PHF3: variants seen among roughly 807,000 people sequenced by gnomAD.
PHF3 encodes PHD finger protein 3.
PHF3 carries 41 observed loss-of-function variants against 178.4 expected under a neutral mutation model. That is an observed-to-expected ratio of 0.23 (90% CI 0.18 to 0.30). The LOEUF (loss-of-function observed/expected upper bound fraction) is 0.30, where lower values mean the gene tolerates loss of function less well. Ranked by LOEUF, PHF3 falls within the 10% of genes least tolerant of loss-of-function variation. The pLI is 1.00. For missense variants in PHF3, 2,346 were observed against 2,398.1 expected, an observed-to-expected ratio of 0.98 and a Z score of 0.45; for synonymous variants, 842 against 800.5, an observed-to-expected ratio of 1.05 and a Z score of -0.88.
intron 11 of PHF3, 33 bp from the exon 12 acceptor site, chr6:63,705,996 C>G (rs1767672760): frequency 6.6e-7 from 1 of 1,518,458 alleles, no homozygotes; most frequent in African/African-American, 1.4e-5. Context: ...TTGTAGTTAA[C>G]AGTTGGTTTC....
chr6:63,668,229 G>T (rs1765761064), intron 2 of PHF3, among the ~76,000 whole-genome samples: 1 of 152,226 alleles, frequency 6.6e-6, no homozygotes. Flanking sequence ...AGGAAAGAAT[G>T]AACATTTCAG....
At chr6:63,657,495 T>C (rs1296304477) in intron 2 of PHF3, among the ~76,000 whole-genome samples, 1 of 152,158 alleles carries the variant, frequency 6.6e-6, no homozygotes. Context: ...ATTCTTACAA[T>C]AAAGTACACT....
intron 2 of PHF3, among the ~76,000 whole-genome samples, chr6:63,666,003 C>G (rs1048068213): frequency 1.3e-5 from 2 of 152,102 alleles, no homozygotes; most frequent in African/African-American, 2.4e-5. Context: ...TAGTGGCAAT[C>G]TGATTAAATA....
At chr6:63,699,036 A>G (rs1767357688) in intron 8 of PHF3, among the ~76,000 whole-genome samples, 1 of 152,210 alleles carries the variant, frequency 6.6e-6, no homozygotes, top group South Asian at 2.1e-4. Flanking sequence ...TATTTTCTTA[A>G]GAAAATACAT....
intron 1 of PHF3, among the ~76,000 whole-genome samples, chr6:63,643,815 A>G (rs550889493): frequency 4.0e-4 from 61 of 152,344 alleles, no homozygotes; most frequent in African/African-American, 1.4e-3. Context: ...CTTTATTTAA[A>G]AAAAATCGAT....
At chr6:63,679,757 A>T in intron 2 of PHF3, 1 of 514,954 alleles carries the variant, frequency 1.9e-6, no homozygotes, top group South Asian at 1.6e-5. Context: ...CTAAATCAGG[A>T]AAGAGTATAA....
intron 1 of PHF3, among the ~76,000 whole-genome samples, chr6:63,642,993 A>C (rs768539492): frequency 2.6e-5 from 4 of 152,102 alleles, no homozygotes; most frequent in Non-Finnish European, 5.9e-5. Flanking sequence ...ATATACTCTT[A>C]TCTAGTTTCC....
rs11285703 is a variant in PHF3 at position 63,646,806 on chromosome 6, CTTTTTTTTTT to C, written c.244+24_244+33del. The C allele has an allele frequency of 3.9e-6, 4 of 1,013,538 alleles. No individual in the cohort carries two copies. The highest frequency in any genetic ancestry group is 4.9e-5 in the African/African-American group (2 of 40,714). The allele number at this position is 1,013,538 out of a possible 1,614,324, so 62.8% of individuals were successfully genotyped here. ...TGCCTTGTTCAACAGGTAATTCTTA[CTTTTTTTTTT>C]TTTTTTTTTTTTAGTCTGCAATTTA... On this transcript the variant is annotated intron_variant, in intron 2 of 15. Transcript: ENST00000262043.
In PHF3 at chr6:63,722,690, T is replaced by C. The variant is rs1327229135; in HGVS notation, c.*8982T>C. Among the ~76,000 whole-genome samples, 1 of 152,204 alleles carries C rather than the reference T, an allele frequency of 6.6e-6. No homozygotes were observed. Among genetic ancestry groups the C allele is most frequent in the Non-Finnish European group, 1.5e-5 (1 of 68,034 alleles). Reference sequence around the variant, plus strand: ...CTGAAATTTCCCAACCTTTTTCTTTTCTCATCCAGGGATATTCGGCATTAT... The same window carrying C: ...CTGAAATTTCCCAACCTTTTTCTTTCCTCATCCAGGGATATTCGGCATTAT... On this transcript the variant is annotated 3_prime_UTR_variant, in exon 16 of 16. Transcript: ENST00000262043.
At chr6:63,692,972 G>A (rs747065276) in intron 5 of PHF3, among the ~76,000 whole-genome samples, 6 of 152,108 alleles carry the variant, frequency 3.9e-5, no homozygotes, top group Non-Finnish European at 7.4e-5. Flanking sequence ...TAACAAATCC[G>A]TTTCTTTCAG....
At chr6:63,672,474 C>T (rs1368180603) in intron 2 of PHF3, among the ~76,000 whole-genome samples, 1 of 152,034 alleles carries the variant, frequency 6.6e-6, no homozygotes, top group Non-Finnish European at 1.5e-5. Flanking sequence ...TTTTATTTTT[C>T]TTAATTTCAT....
intron 13 of PHF3, among the ~76,000 whole-genome samples, chr6:63,708,290 A>G (rs1335650818): frequency 6.6e-6 from 1 of 152,158 alleles, no homozygotes; most frequent in East Asian, 1.9e-4. Context: ...TCTTGAGCAA[A>G]TCTGTTTAGA....
intron 2 of PHF3, among the ~76,000 whole-genome samples, chr6:63,654,433 T>C (rs1315773557): frequency 6.6e-6 from 1 of 152,220 alleles, no homozygotes; most frequent in Non-Finnish European, 1.5e-5. Context: ...CCTTTAAGAA[T>C]AAAAATTTCT....
In PHF3 at chr6:63,698,340, A is replaced by G. The variant is rs770433096; in HGVS notation, c.2798A>G (p.His933Arg). ...SADQIRQSVR[H>R]SLKDILMKRL... ...GATCAGATCAGGCAAAGTGTCAGAC[A>G]TTCTCTCAAAGACATTCTTATGAAG... is the stretch of plus-strand genomic sequence containing the variant. Residue 933 changes from histidine (H) to arginine (R), a missense_variant, in exon 7 of 16, where the codon CAT becomes CGT. By Grantham distance (29) the His-to-Arg change is conservative. Around this residue, in one of 8 missense-constraint regions of PHF3, gnomAD observed 252 missense variants for 232.0 expected, o/e 1.09. Coordinates refer to ENST00000262043, the MANE Select transcript of PHF3 (RefSeq NM_001370348.2). The G allele has an allele frequency of 6.2e-7, 1 of 1,611,816 alleles. No individual in the cohort carries two copies. Among genetic ancestry groups the G allele is most frequent in the Admixed American group, 1.7e-5 (1 of 59,974 alleles).
rs1561985532 is a variant in PHF3 at position 63,712,021 on chromosome 6, G to C, written c.4433G>C (p.Gly1478Ala). 6.2e-7 allele frequency: 1 copy of C among 1,613,716 alleles called. No individual in the cohort carries two copies. The highest frequency in any genetic ancestry group is 8.5e-7 in the Non-Finnish European group (1 of 1,179,942). The change falls in exon 16 of 16, where the codon GGT becomes GCT. Residue 1478 changes from glycine (G) to alanine (A), a missense_variant. Around this residue, in one of 8 missense-constraint regions of PHF3, gnomAD observed 839 missense variants for 806.9 expected, o/e 1.04. Transcript: ENST00000262043. Reference sequence around the variant, plus strand: ...CTTCAAAGCCTTTTGGGCACCACTGGTCAAGTATATGACCAGGCCCAGTCA... The same window carrying C: ...CTTCAAAGCCTTTTGGGCACCACTGCTCAAGTATATGACCAGGCCCAGTCA... ...DILQSLLGTTGQVYDQAQSVM... is the reference protein window; with the variant it reads ...DILQSLLGTTAQVYDQAQSVM...
At chr6:63,645,055 A>AT (rs67135634) in intron 1 of PHF3, among the ~76,000 whole-genome samples, 43,194 of 149,548 alleles carry the variant, frequency 0.29, 6,395 homozygotes, top group Admixed American at 0.37. Flanking sequence ...TAATTTTTGT[A>AT]TTTTTTTTTG....
At position 63,711,816 on chromosome 6, in the gene PHF3, A is replaced by G; in HGVS notation, c.4228A>G (p.Arg1410Gly). The change falls in exon 16 of 16, where the codon AGA becomes GGA. Residue 1410 changes from arginine to glycine, a missense_variant. By Grantham distance (125) the Arg-to-Gly change is moderately radical. Coordinates refer to ENST00000262043, the MANE Select transcript of PHF3 (RefSeq NM_001370348.2). ...NSFTTVLHKQ[R>G]NKPQQNLQED... ...TTTTACAACTGTATTACACAAGCAG[A>G]GAAATAAACCTCAGCAGAATCTTCA... 1 of 1,613,966 alleles carries G rather than the reference A, an allele frequency of 6.2e-7. No individual in the cohort carries two copies. Among genetic ancestry groups the G allele is most frequent in the Non-Finnish European group, 8.5e-7 (1 of 1,179,910 alleles).
At chr6:63,703,741 T>C (rs986877702) in intron 11 of PHF3, 70 bp downstream of exon 11, 3 of 1,441,760 alleles carry the variant, frequency 2.1e-6, no homozygotes, top group Non-Finnish European at 2.8e-6. Flanking sequence ...TACTAGTATA[T>C]GTAATTTAAG....
rs79723905 is a variant in PHF3 at position 63,702,011 on chromosome 6, G to A, written c.3100-497G>A. ...ATTTTGATGTTTTGTTGCTAAGCTTGTTCAACCGAATTTTCAGGGTCACTA... is the reference window on the plus strand; with the variant it reads ...ATTTTGATGTTTTGTTGCTAAGCTTATTCAACCGAATTTTCAGGGTCACTA... On this transcript the variant is annotated intron_variant, in intron 9 of 15. Transcript: ENST00000262043. Among the ~76,000 whole-genome samples, 78 of 152,234 alleles carry A rather than the reference G, an allele frequency of 5.1e-4. No homozygotes were observed. The East Asian group carries it at 0.015, about 29-fold the overall frequency.
Sources: allele counts gnomAD v4.1 joint callset (sites outside exome capture counted in the v4.1 genomes callset), GRCh38; gene constraint gnomAD v4.1.1; regional missense constraint gnomAD v4.1.1; transcripts MANE v1.5; gene names NCBI Gene and HGNC (gene_info 2026-07-23, HGNC 2026-07-21).